PC: variants seen among roughly 807,000 people sequenced by gnomAD.
The protein encoded by PC is pyruvate carboxylase.
A neutral mutation model predicts 107.8 loss-of-function variants in PC; 46 were observed. That is an observed-to-expected ratio of 0.43 (90% CI 0.34 to 0.55). The LOEUF is 0.55. Among genes scored for constraint, PC ranks in the 20% least tolerant of loss-of-function variants. The pLI is 0.04. For synonymous variants in PC, 662 were observed against 684.7 expected (o/e 0.97, Z 0.52); for missense variants, 1,241 against 1,643.1 (o/e 0.76, Z 4.23).
At chr11:66,954,521 G>A (rs1430374385) in intron 1 of PC, 85 bp from the exon 2 acceptor site, 4 of 152,320 alleles carry the variant, frequency 2.6e-5, no homozygotes, top group Admixed American at 6.5e-5. Context: ...TGCTGTGAAG[G>A]AGGCCTCTGG....
chr11:66,869,169 G>C (rs781426578), intron 9 of PC, among the ~76,000 whole-genome samples: 1 of 152,100 alleles, frequency 6.6e-6, no homozygotes, highest in African/African-American at 2.4e-5. Flanking sequence ...TAGTCCACTA[G>C]GCTCCAGGGT....
chr11:66,953,700 T>C (rs1036909421), intron 2 of PC, among the ~76,000 whole-genome samples: 14 of 152,146 alleles, frequency 9.2e-5, no homozygotes, highest in Non-Finnish European at 2.1e-4. Flanking sequence ...CACAAGGAAC[T>C]GTATGTACAC....
At chr11:66,950,030 TA>T (rs996416502) in intron 3 of PC, among the ~76,000 whole-genome samples, 2 of 152,112 alleles carry the variant, frequency 1.3e-5, no homozygotes, top group Non-Finnish European at 2.9e-5. Context: ...TTTTCCAGAA[TA>T]AATAATATAC....
At chr11:66,900,120 C>T (rs1477906871) in intron 3 of PC, among the ~76,000 whole-genome samples, 1 of 151,584 alleles carries the variant, frequency 6.6e-6, no homozygotes, top group Non-Finnish European at 1.5e-5. Flanking sequence ...TCTATCCTTA[C>T]ACCAGTACCA....
rs1234314456 is a variant in PC, at chr11:66,849,148, C to T, written c.3289-1G>A. On this transcript the variant is annotated splice_acceptor_variant, in intron 22 of 22. Coordinates refer to ENST00000393960, the MANE Select transcript of PC (RefSeq NM_001040716.2). LOFTEE classifies it high-confidence loss of function. ...GGGCCTTGGGGTGGAAGTGCATCTC[C>T]TGAAGACACAGGGCAGAGGGGACAT... is the stretch of plus-strand genomic sequence containing the variant. The T allele has an allele frequency of 6.2e-7, 1 of 1,613,954 alleles. No individual in the cohort carries two copies.
chr11:66,860,353 G>A, intron 12 of PC: 6 of 1,130,310 alleles, frequency 5.3e-6, no homozygotes, highest in Non-Finnish European at 7.7e-6. Context: ...CCTCGGTTCT[G>A]GCCTCCAGAC....
intron 3 of PC, among the ~76,000 whole-genome samples, chr11:66,933,555 T>C (rs1948916952): frequency 1.3e-5 from 2 of 152,114 alleles, no homozygotes; most frequent in African/African-American, 4.8e-5. Flanking sequence ...TTTAGCTAAA[T>C]AAATGGGGTG....
At chr11:66,918,860 G>T (rs1948527764) in intron 3 of PC, among the ~76,000 whole-genome samples, 1 of 152,122 alleles carries the variant, frequency 6.6e-6, no homozygotes, top group Admixed American at 6.6e-5. Flanking sequence ...GAAGGCCCAG[G>T]AGGAGGGAGC....
intron 3 of PC, among the ~76,000 whole-genome samples, chr11:66,893,930 ACCAT>A (rs1947660795): frequency 6.6e-6 from 1 of 151,182 alleles, no homozygotes; most frequent in Admixed American, 6.6e-5. Flanking sequence ...TCCCTCACCT[ACCAT>A]CTGGTCAAGA....
At chr11:66,952,949 C>A (rs1315770888) in intron 2 of PC, among the ~76,000 whole-genome samples, 1 of 152,218 alleles carries the variant, frequency 6.6e-6, no homozygotes, top group Non-Finnish European at 1.5e-5. Flanking sequence ...ACTCTGACAG[C>A]CGCTCTGTAA....
At position 66,858,412 on chromosome 11, in the gene PC, C is replaced by A; in HGVS notation, c.1369-5029G>T. 6.4e-7 allele frequency: 1 copy of A among 1,556,216 alleles called. No individual in the cohort carries two copies. The highest frequency in any genetic ancestry group is 8.6e-7 in the Non-Finnish European group (1 of 1,156,644). On this transcript the variant is annotated intron_variant, in intron 12 of 22. Transcript: ENST00000393960. The surrounding 1 kb of genome is among the most constrained non-coding windows in gnomAD (Gnocchi z 5.9). The stretch of plus-strand genomic sequence containing the variant: ...TCTCGTGGGCGTGATGCAGAGGCCT[C>A]TCCCGCCCCCCTGGTGCTGAGCTTT...
At chr11:66,921,342 G>C (rs555043221) in intron 3 of PC, among the ~76,000 whole-genome samples, 2 of 152,326 alleles carry the variant, frequency 1.3e-5, no homozygotes, top group East Asian at 3.9e-4. Context: ...AGGAAAAAGA[G>C]AACAGAGGCC....
chr11:66,923,235 A>G (rs1166655873), intron 3 of PC, among the ~76,000 whole-genome samples: 2 of 151,946 alleles, frequency 1.3e-5, no homozygotes, highest in Non-Finnish European at 2.9e-5. Flanking sequence ...GGTGGCATGC[A>G]ACTGTAGTCC....
At chr11:66,939,804 C>CAAAAAAAAAAAAAAAAAAAAAACAA (rs1949081756) in intron 3 of PC, among the ~76,000 whole-genome samples, 3 of 40,156 alleles carry the variant, frequency 7.5e-5, no homozygotes, top group African/African-American at 2.2e-4. Flanking sequence ...AACTCCGTCT[C>CAAAAAAAAAAAAAAAAAAAAAACAA]AAAAAAAAAA....
At chr11:66,880,364 C>T (rs1591213844) in intron 3 of PC, among the ~76,000 whole-genome samples, 2 of 152,256 alleles carry the variant, frequency 1.3e-5, no homozygotes, top group South Asian at 2.1e-4. Flanking sequence ...GGGCAGACTC[C>T]CCCTGCTCCC....
intron 10 of PC, 37 bp downstream of exon 10, chr11:66,868,809 G>T: frequency 6.5e-7 from 1 of 1,528,374 alleles, no homozygotes; most frequent in Non-Finnish European, 9.1e-7. Context: ...AATCCTAGAA[G>T]CCGCGCCTCC....
intron 3 of PC, among the ~76,000 whole-genome samples, chr11:66,877,603 A>G (rs1475838272): frequency 1.3e-5 from 2 of 152,150 alleles, no homozygotes; most frequent in African/African-American, 2.4e-5. Context: ...CAGAAATCCA[A>G]CCCCAGGAAA....
At position 66,848,531 on chromosome 11, in the gene PC, G is replaced by A. The variant is rs537769691; in HGVS notation, c.*368C>T. On this transcript the variant is annotated 3_prime_UTR_variant, in exon 23 of 23. Transcript: ENST00000393960. The stretch of plus-strand genomic sequence containing the variant: ...CACAGGATCCAGCATGGAGGGCAGG[G>A]GAAAGCCAGCTTTATTGAGTAAACT... 6.8e-6 allele frequency: 4 copies of A among 591,294 alleles called. No individual in the cohort carries two copies. In the South Asian group the frequency reaches 8.3e-5, roughly 12 times the overall value. 36.6% of individuals were successfully genotyped at this position (591,294 alleles called of 1,614,324 possible).
At position 66,872,020 on chromosome 11, in the gene PC, T is replaced by C. The variant is rs372216563; in HGVS notation, c.136+4A>G. 4 of 1,558,826 alleles carry C rather than the reference T, an allele frequency of 2.6e-6. No homozygotes were observed. The African/African-American group carries it at 5.4e-5, about 21-fold the overall frequency. ...CTCCTCTCACCGGCCCCACTGGTGC[T>C]CACCTCTGTTGGCCACCATGACTTT... On this transcript the variant is annotated splice_donor_region_variant and intron_variant, in intron 4 of 22. Transcript: ENST00000393960.
Sources: allele counts gnomAD v4.1 joint callset (sites outside exome capture counted in the v4.1 genomes callset), GRCh38; gene constraint gnomAD v4.1.1; non-coding constraint Gnocchi (gnomAD v3.1); transcripts MANE v1.5; gene names NCBI Gene and HGNC (gene_info 2026-07-23, HGNC 2026-07-21).